The following ANAPC1 variants were observed in gnomAD, a reference collection of about 807,000 sequenced individuals.
ANAPC1 encodes the protein anaphase-promoting complex subunit 1.
In ANAPC1, 36 loss-of-function variants were observed where a neutral mutation model predicts 208.0. The observed-to-expected ratio is 0.17, with a 90% CI of 0.13 to 0.23. The LOEUF (loss-of-function observed/expected upper bound fraction) is 0.23. ANAPC1 is among the 10% of genes least tolerant of loss of function. The probability of loss-of-function intolerance (pLI) is 1.00; values close to 1 mark genes in which losing one functional copy is unlikely to be tolerated. For synonymous variants in ANAPC1, 378 were observed against 695.2 expected (o/e 0.54, Z 7.18); for missense variants, 942 against 2,011.6 (o/e 0.47, Z 10.17).
In ANAPC1 at chr2:111,810,982, T is replaced by C. The variant is rs566258000; in HGVS notation, c.3598-1801A>G. ...CTAGAATGTATATTAAGAGCAATGGTCGATCCCCCTTTGCCCTCTGGTGTT... is the reference window on the plus strand; with the variant it reads ...CTAGAATGTATATTAAGAGCAATGGCCGATCCCCCTTTGCCCTCTGGTGTT... On this transcript the variant is annotated intron_variant, in intron 28 of 47. Transcript: ENST00000341068. 4.0e-5 allele frequency among the ~76,000 whole-genome samples: 6 copies of C among 151,574 alleles called. No homozygotes were observed. The East Asian group carries it at 1.2e-3, about 29-fold the overall frequency.
chr2:111,798,959 G>A (rs1443708077), intron 34 of ANAPC1, among the ~76,000 whole-genome samples: 1 of 150,974 alleles, frequency 6.6e-6, no homozygotes, highest in Non-Finnish European at 1.5e-5. Context: ...GCGTGAACCT[G>A]GGAGGCGGAG....
intron 44 of ANAPC1, chr2:111,779,961 A>C: frequency 4.1e-6 from 1 of 242,932 alleles, no homozygotes; most frequent in Non-Finnish European, 8.1e-6. Context: ...GAAACAGTTA[A>C]TGAAATTACA....
chr2:111,787,560 A>T (rs1264684119), intron 39 of ANAPC1, among the ~76,000 whole-genome samples: 11 of 152,228 alleles, frequency 7.2e-5, no homozygotes, highest in Admixed American at 7.2e-4. Flanking sequence ...CCTTAAGTTG[A>T]GCACAGGGCT....
Position 111,784,256 on chromosome 2 carries a change from T to C in ANAPC1, c.4995+67A>G, listed in dbSNP as rs1165720798. ...GAAAGCTGAGGCTTTTATTTAGCTA[T>C]CTTTAACGCTATGCCATTCTGTTGA... On this transcript the variant is annotated intron_variant, in intron 41 of 47. Coordinates refer to ENST00000341068, the MANE Select transcript of ANAPC1 (RefSeq NM_022662.4). 5 of 1,613,754 alleles carry C rather than the reference T, an allele frequency of 3.1e-6. No homozygotes were observed. In the African/African-American group the frequency reaches 4.0e-5, roughly 13 times the overall value.
chr2:111,833,912 A>G (rs1680326853), intron 19 of ANAPC1, among the ~76,000 whole-genome samples: 2 of 152,202 alleles, frequency 1.3e-5, no homozygotes, highest in Admixed American at 6.5e-5. Context: ...TCAGAGGTTG[A>G]CATTTCAATT....
At chr2:111,848,547 C>T (rs796450775) in intron 14 of ANAPC1, among the ~76,000 whole-genome samples, 6 of 152,068 alleles carry the variant, frequency 3.9e-5, no homozygotes, top group South Asian at 2.1e-4. Flanking sequence ...GAGGCTGAGG[C>T]GGGTGGATCA....
intron 4 of ANAPC1, 81 bp from the exon 5 acceptor site, chr2:111,873,489 C>T (rs1682868697): frequency 2.6e-6 from 4 of 1,526,250 alleles, no homozygotes; most frequent in Non-Finnish European, 3.5e-6. Flanking sequence ...TTATTTAATG[C>T]ACAATATAAA....
rs1462436205 is a variant in ANAPC1, at chr2:111,772,337, T to C, written c.5719+4A>G. 2.5e-6 allele frequency: 4 copies of C among 1,613,550 alleles called. No homozygotes were observed. The highest frequency in any genetic ancestry group is 2.5e-6 in the Non-Finnish European group (3 of 1,179,790). ...CTGAAGATAAGACTTAGATATGCAA[T>C]TACCTTCTAGTCCTATAGGTGGCAG... On this transcript the variant is annotated splice_donor_region_variant and intron_variant, in intron 47 of 47. Transcript: ENST00000341068.
chr2:111,771,962 A>G lies in ANAPC1; in HGVS notation c.5719+379T>C, dbSNP rs1464373510. ...TCAAACACAAAATTAGGTATTTATT[A>G]GTTGTAAAGCTTTGTAATATTAGAA... On this transcript the variant is annotated intron_variant, in intron 47 of 47. Transcript: ENST00000341068. Among the ~76,000 whole-genome samples the G allele has an allele frequency of 3.3e-5, 5 of 150,336 alleles. No individual in the cohort carries two copies. In the East Asian group the frequency reaches 9.7e-4, roughly 29 times the overall value.
In ANAPC1 at chr2:111,769,675, C is replaced by CTGAGATTT. The variant is rs377026379; in HGVS notation, c.5720-270_5720-269insAAATCTCA. Among the ~76,000 whole-genome samples the CTGAGATTT allele has an allele frequency of 3.7e-5, 5 of 136,756 alleles. 1 individual carries two copies. Among genetic ancestry groups the CTGAGATTT allele is most frequent in the Non-Finnish European group, 6.2e-5 (4 of 64,710 alleles). The allele number at this position is 136,756 out of a possible 152,430, so 89.7% of individuals were successfully genotyped here. A position where few individuals can be genotyped will look rare whatever the true frequency, so the allele number is the denominator to read the frequency against. On this transcript the variant is annotated intron_variant, in intron 47 of 47. Transcript: ENST00000341068. ...GGAATATCTGCATTACACCTACTGG[C>CTGAGATTT]TTTCTTTTTTTTTTTTTTTTTTTGG...
At chr2:111,801,984 T>C (rs550420230) in intron 33 of ANAPC1, among the ~76,000 whole-genome samples, 12 of 151,414 alleles carry the variant, frequency 7.9e-5, no homozygotes, top group African/African-American at 2.7e-4. Flanking sequence ...AACAGTATTA[T>C]CACATCCCTG....
intron 6 of ANAPC1, among the ~76,000 whole-genome samples, chr2:111,869,313 G>A (rs1441840102): frequency 3.3e-5 from 5 of 151,796 alleles, no homozygotes; most frequent in East Asian, 3.9e-4. Flanking sequence ...ATGTGATCTC[G>A]GCTCACTGCA....
Position 111,878,807 on chromosome 2 carries a change from C to T in ANAPC1, c.375+3G>A, listed in dbSNP as rs780144727. 2.2e-5 allele frequency: 35 copies of T among 1,585,220 alleles called. No homozygotes were observed. The highest frequency in any genetic ancestry group is 3.9e-5 in the Admixed American group (2 of 51,068). ...TCAAATGCTAAAATTCAAATCAACT[C>T]ACCTGCTGAACAGGACTGTCAACTG... On this transcript the variant is annotated splice_donor_region_variant and intron_variant, in intron 3 of 47. Transcript: ENST00000341068.
chr2:111,814,968 T>C (rs1294557598), intron 28 of ANAPC1, among the ~76,000 whole-genome samples: 2 of 150,904 alleles, frequency 1.3e-5, no homozygotes, highest in Admixed American at 1.3e-4. Flanking sequence ...CTATCGTGCC[T>C]ATTTCTAAAT....
In ANAPC1 at chr2:111,870,183, T is replaced by C. The variant is rs201010229; in HGVS notation, c.612-2087A>G. ...AATTGTGTTGCAATAAACATACATG[T>C]GCATGTATCTTTTTCACATAATGAC... On this transcript the variant is annotated intron_variant, in intron 6 of 47. Coordinates refer to ENST00000341068, the MANE Select transcript of ANAPC1 (RefSeq NM_022662.4). Among the ~76,000 whole-genome samples the C allele has an allele frequency of 5.3e-5, 8 of 152,374 alleles. No individual in the cohort carries two copies. The East Asian group carries it at 1.5e-3, about 29-fold the overall frequency.
Position 111,769,246 on chromosome 2 carries a change from T to C in ANAPC1, c.*45A>G, listed in dbSNP as rs1048992620. 11 of 1,611,892 alleles carry C rather than the reference T, an allele frequency of 6.8e-6. No homozygotes were observed. Among genetic ancestry groups the C allele is most frequent in the South Asian group, 1.1e-5 (1 of 91,008 alleles). ...TAGCTTTGATGTTTGGTCACGTTTG[T>C]TGTGCAGAAGTCACGTTTCAGGGTA... On this transcript the variant is annotated 3_prime_UTR_variant, in exon 48 of 48. Coordinates refer to ENST00000341068, the MANE Select transcript of ANAPC1 (RefSeq NM_022662.4).
chr2:111,883,640 G>C (rs1326742715), intron 1 of ANAPC1, among the ~76,000 whole-genome samples: 2 of 152,156 alleles, frequency 1.3e-5, no homozygotes, highest in Non-Finnish European at 2.9e-5. Context: ...GAGAGCCCGA[G>C]GCTCAGAAAA....
At chr2:111,840,155 A>G (rs62165379) in intron 17 of ANAPC1, among the ~76,000 whole-genome samples, 11,479 of 152,050 alleles carry the variant, frequency 0.075, 595 homozygotes, top group South Asian at 0.21. Context: ...CCTACAATGT[A>G]CAGTCCAGTG....
At chr2:111,771,366 A>G (rs1438214964) in intron 47 of ANAPC1, among the ~76,000 whole-genome samples, 1 of 152,154 alleles carries the variant, frequency 6.6e-6, no homozygotes, top group Non-Finnish European at 1.5e-5. Flanking sequence ...AGGTATATCC[A>G]GAGTCTGAGT....
Sources: gnomAD v4.1 joint callset for allele counts (sites outside exome capture counted in the v4.1 genomes callset) on GRCh38, gnomAD v4.1.1 for gene constraint, MANE v1.5 for transcripts, NCBI Gene and HGNC (gene_info 2026-07-23, HGNC 2026-07-21) for gene names.